The following SYCP1 variants were observed in gnomAD, a reference collection of about 807,000 sequenced individuals.
The protein encoded by SYCP1 is synaptonemal complex protein 1.
A neutral mutation model predicts 153.1 loss-of-function variants in SYCP1; 64 were observed. That is an observed-to-expected ratio of 0.42 (90% CI 0.34 to 0.51). SYCP1 has a LOEUF of 0.51. Among genes scored for constraint, SYCP1 ranks in the 20% least tolerant of loss-of-function variants. SYCP1 has a pLI of 0.06. For synonymous variants in SYCP1, 384 were observed against 341.8 expected, an observed-to-expected ratio of 1.12 and a Z score of -1.36; for missense variants, 997 against 1,049.0, an observed-to-expected ratio of 0.95 and a Z score of 0.68.
chr1:114,970,397 GA>G (rs1317516867), intron 27 of SYCP1, among the ~76,000 whole-genome samples: 2 of 151,678 alleles, frequency 1.3e-5, no homozygotes, highest in Non-Finnish European at 1.5e-5. Context: ...TCGACCTTCT[GA>G]ATTCTTTTTC....
intron 27 of SYCP1, among the ~76,000 whole-genome samples, chr1:114,958,995 A>G (rs1298560004): frequency 6.6e-6 from 1 of 151,224 alleles, no homozygotes; most frequent in Admixed American, 6.6e-5. Context: ...CTATTTGCAG[A>G]TATTTTCTCT....
chr1:114,861,892 T>A (rs1290807915), intron 8 of SYCP1, among the ~76,000 whole-genome samples: 2 of 146,614 alleles, frequency 1.4e-5, no homozygotes, highest in Non-Finnish European at 3.0e-5. Flanking sequence ...CGCTGCCTCC[T>A]GGGTTCAGGC....
At chr1:114,923,124 A>G (rs1053977719) in intron 20 of SYCP1, among the ~76,000 whole-genome samples, 1 of 152,242 alleles carries the variant, frequency 6.6e-6, no homozygotes, top group African/African-American at 2.4e-5. Flanking sequence ...TTTTAAAACT[A>G]TAAAAACATT....
At chr1:114,920,355 A>G (rs1239515717) in intron 20 of SYCP1, among the ~76,000 whole-genome samples, 1 of 152,032 alleles carries the variant, frequency 6.6e-6, no homozygotes, top group Non-Finnish European at 1.5e-5. Context: ...ACTTGATCTG[A>G]TTTCAATTTT....
intron 12 of SYCP1, among the ~76,000 whole-genome samples, chr1:114,880,766 G>A (rs938040686): frequency 6.6e-6 from 1 of 152,022 alleles, no homozygotes; most frequent in Non-Finnish European, 1.5e-5. Flanking sequence ...ATCTTAGCCC[G>A]TTTAGTCCTT....
intron 12 of SYCP1, among the ~76,000 whole-genome samples, chr1:114,878,614 G>A (rs1000404820): frequency 4.6e-5 from 7 of 152,120 alleles, no homozygotes; most frequent in Admixed American, 2.0e-4. Context: ...CACAATCTTG[G>A]CTCACTGCAA....
At chr1:114,985,717 C>A (rs1242570251) in intron 30 of SYCP1, among the ~76,000 whole-genome samples, 2 of 151,728 alleles carry the variant, frequency 1.3e-5, no homozygotes, top group Admixed American at 6.6e-5. Context: ...TACTTCAGAA[C>A]CCCTTTGTTT....
Position 114,994,864 on chromosome 1 carries a change from A to T in SYCP1, c.2794-18A>T, listed in dbSNP as rs1340219495. 4 of 1,576,800 alleles carry T rather than the reference A, an allele frequency of 2.5e-6. No homozygotes were observed. The highest frequency in any genetic ancestry group is 3.4e-6 in the Non-Finnish European group (4 of 1,168,684). ...AAATTAAACATGTTATGATTTTTAA[A>T]TTTTATTTTGTACTCAGGCCCCTTC... On this transcript the variant is annotated intron_variant, in intron 31 of 31. Transcript: ENST00000369522.
intron 8 of SYCP1, among the ~76,000 whole-genome samples, chr1:114,873,015 G>C (rs1173501522): frequency 6.6e-6 from 1 of 152,030 alleles, no homozygotes; most frequent in African/African-American, 2.4e-5. Context: ...GTCATTCTTA[G>C]AATTTTCACC....
At chr1:114,990,959 C>A (rs1217621765) in intron 30 of SYCP1, among the ~76,000 whole-genome samples, 1 of 151,892 alleles carries the variant, frequency 6.6e-6, no homozygotes, top group Non-Finnish European at 1.5e-5. Context: ...ATGAAAGTGC[C>A]ATGCACCTTC....
chr1:114,855,488 A>G lies in SYCP1; in HGVS notation c.24A>G (p.Ala8=). Reference sequence around the variant, plus strand: ...AAATGGAAAAGCAAAAGCCCTTTGCATTGTTCGTACCACCGAGATCAAGCA... The same window carrying G: ...AAATGGAAAAGCAAAAGCCCTTTGCGTTGTTCGTACCACCGAGATCAAGCA... MEKQKPF[A]LFVPPRSSSS... The change falls in exon 2 of 32, where the codon GCA becomes GCG. Residue 8 remains alanine, a synonymous_variant. Transcript: ENST00000369522. The G allele has an allele frequency of 1.2e-6, 2 of 1,609,454 alleles. No homozygotes were observed. Among genetic ancestry groups the G allele is most frequent in the Non-Finnish European group, 1.7e-6 (2 of 1,177,768 alleles).
At chr1:114,933,838 CGAGAA>C (rs1257128622) in intron 23 of SYCP1, among the ~76,000 whole-genome samples, 2 of 151,796 alleles carry the variant, frequency 1.3e-5, no homozygotes, top group African/African-American at 2.4e-5. Context: ...TGAAATGAAG[CGAGAA>C]GAGAAGTTTA....
At chr1:114,900,731 G>A (rs1369042649) in intron 16 of SYCP1, among the ~76,000 whole-genome samples, 4 of 152,152 alleles carry the variant, frequency 2.6e-5, no homozygotes, top group African/African-American at 4.8e-5. Flanking sequence ...TTGAGTATGT[G>A]CTAGGAGCAG....
At chr1:114,993,022 TG>T (rs933730961) in intron 30 of SYCP1, among the ~76,000 whole-genome samples, 2 of 151,406 alleles carry the variant, frequency 1.3e-5, no homozygotes, top group African/African-American at 2.4e-5. Flanking sequence ...TATAAACACA[TG>T]AAAAGATGAA....
intron 27 of SYCP1, among the ~76,000 whole-genome samples, chr1:114,950,917 C>T (rs999959500): frequency 5.9e-5 from 9 of 151,768 alleles, no homozygotes; most frequent in Middle Eastern, 6.8e-3. Context: ...CTCCACCTCC[C>T]GGGTTCACGC....
intron 27 of SYCP1, among the ~76,000 whole-genome samples, chr1:114,955,823 G>A (rs1671398695): frequency 6.6e-6 from 1 of 152,180 alleles, no homozygotes; most frequent in Admixed American, 6.5e-5. Flanking sequence ...GACCTACTGA[G>A]TTTGCTCCCA....
At chr1:114,868,594 T>TAATC (rs1347613574) in intron 8 of SYCP1, among the ~76,000 whole-genome samples, 3 of 152,240 alleles carry the variant, frequency 2.0e-5, no homozygotes, top group Non-Finnish European at 4.4e-5. Flanking sequence ...TTCCCTCTGC[T>TAATC]TCTATCTTCT....
rs150054923 is a variant in SYCP1, at chr1:114,877,738, A to C, written c.802-356A>C. Among the ~76,000 whole-genome samples the C allele has an allele frequency of 7.7e-3, 1,176 of 152,238 alleles. 23 individuals are homozygous for C. The highest frequency in any genetic ancestry group is 0.027 in the African/African-American group (1,108 of 41,546). ...TTTCTAAATTCTTGCTTGTGGATAT[A>C]AACTTGGCTGATGGCATTCTGGAGC... On this transcript the variant is annotated intron_variant, in intron 11 of 31. Transcript: ENST00000369522.
In SYCP1 at chr1:114,944,891, T is replaced by G. The variant is rs1330553769; in HGVS notation, c.2063T>G (p.Ile688Arg). The G allele has an allele frequency of 3.1e-6, 5 of 1,596,192 alleles. No homozygotes were observed. Among genetic ancestry groups the G allele is most frequent in the Non-Finnish European group, 4.3e-6 (5 of 1,173,836 alleles). ...LLEEVEKAKV[I>R]ADEAVKLQKE... ...TGATAGGTTGAGAAAGCAAAAGTAA[T>G]AGCTGATGAAGCAGTAAAATTACAG... is the stretch of plus-strand genomic sequence containing the variant. The change falls in exon 25 of 32, where the codon ATA becomes AGA. Residue 688 changes from isoleucine (I) to arginine (R), a missense_variant. Physicochemically the swap from Ile to Arg is moderately conservative, Grantham distance 97. Transcript: ENST00000369522.
Sources: allele counts gnomAD v4.1 joint callset (sites outside exome capture counted in the v4.1 genomes callset), GRCh38; gene constraint gnomAD v4.1.1; transcripts MANE v1.5; gene names NCBI Gene and HGNC (gene_info 2026-07-23, HGNC 2026-07-21).